The following DIP2C variants were observed in gnomAD, a reference collection of about 807,000 sequenced individuals.
The protein encoded by DIP2C is DIP2 acetate--CoA ligase C (putative).
Under a neutral mutation model 192.4 loss-of-function variants are expected in DIP2C, and 33 were observed. The observed-to-expected ratio is 0.17, with a 90% confidence interval of 0.13 to 0.23. The LOEUF is 0.23. DIP2C is among the 10% of genes least tolerant of loss of function. The probability of loss-of-function intolerance (pLI) is 1.00; values close to 1 mark genes in which losing one functional copy is unlikely to be tolerated. For missense variants in DIP2C, 1,537 were observed against 2,110.1 expected (o/e 0.73, Z 5.32); for synonymous variants, 979 against 864.1 (o/e 1.13, Z -2.33).
intron 2 of DIP2C, among the ~76,000 whole-genome samples, chr10:475,723 CAT>C (rs1345651829): frequency 7.9e-5 from 12 of 152,198 alleles, no homozygotes; most frequent in Non-Finnish European, 1.2e-4. Context: ...TATGAATGTA[CAT>C]GTTTCCTTCA....
intron 32 of DIP2C, among the ~76,000 whole-genome samples, chr10:305,037 G>T (rs553049337): frequency 6.6e-6 from 1 of 152,100 alleles, no homozygotes; most frequent in Non-Finnish European, 1.5e-5. Context: ...ATATATGCAC[G>T]TGTCTATACT....
chr10:520,575 C>T (rs994445248), intron 1 of DIP2C, among the ~76,000 whole-genome samples: 2 of 152,198 alleles, frequency 1.3e-5, no homozygotes, highest in Non-Finnish European at 2.9e-5. Flanking sequence ...TTCTCACTCA[C>T]TGAGCCACGT....
intron 1 of DIP2C, among the ~76,000 whole-genome samples, chr10:607,864 T>C (rs1300605987): frequency 1.3e-5 from 2 of 152,036 alleles, no homozygotes; most frequent in East Asian, 3.9e-4. Flanking sequence ...AAAGCCAAAG[T>C]AGGCCCACAA....
At chr10:349,299 T>C in intron 25 of DIP2C, 32 bp downstream of exon 25, 1 of 1,588,134 alleles carries the variant, frequency 6.3e-7, no homozygotes, top group Non-Finnish European at 8.6e-7. Flanking sequence ...CGGCTTGCCA[T>C]CTCTCAGGGG....
chr10:400,179 C>CA (rs1367092249), intron 9 of DIP2C, among the ~76,000 whole-genome samples: 8 of 150,416 alleles, frequency 5.3e-5, no homozygotes, highest in Non-Finnish European at 1.2e-4. Flanking sequence ...AGCACTACTG[C>CA]ATGCAGCTAA....
intron 31 of DIP2C, among the ~76,000 whole-genome samples, chr10:319,763 G>C (rs780461934): frequency 2.5e-4 from 38 of 152,142 alleles, no homozygotes; most frequent in Non-Finnish European, 3.5e-4. Flanking sequence ...AAGGTACTGG[G>C]AAATGTTACT....
At chr10:344,137 G>T (rs1225880215) in intron 28 of DIP2C, among the ~76,000 whole-genome samples, 1 of 152,198 alleles carries the variant, frequency 6.6e-6, no homozygotes, top group Admixed American at 6.5e-5. Flanking sequence ...TTCTCTTCTG[G>T]CTATGACAGT....
chr10:338,424 GTT>G (rs77305538), intron 29 of DIP2C, among the ~76,000 whole-genome samples: 70 of 144,044 alleles, frequency 4.9e-4, no homozygotes, highest in East Asian at 2.9e-3. Flanking sequence ...GCCCTACACA[GTT>G]TTTTTTTTTT....
chr10:633,327 T>A (rs1227121040), intron 1 of DIP2C, among the ~76,000 whole-genome samples: 1 of 152,168 alleles, frequency 6.6e-6, no homozygotes, highest in African/African-American at 2.4e-5. Flanking sequence ...AGAGAAAACG[T>A]CCAGGGCAAC....
intron 1 of DIP2C, among the ~76,000 whole-genome samples, chr10:514,276 C>G (rs985906012): frequency 6.6e-6 from 1 of 152,062 alleles, no homozygotes; most frequent in Non-Finnish European, 1.5e-5. Context: ...AGTTCTCGTT[C>G]AATACGTCAA....
chr10:311,077 G>A (rs1956545998), intron 31 of DIP2C, among the ~76,000 whole-genome samples: 2 of 151,840 alleles, frequency 1.3e-5, no homozygotes, highest in African/African-American at 2.4e-5. Flanking sequence ...AATAACCCTG[G>A]GCCCTGGTAT....
intron 31 of DIP2C, among the ~76,000 whole-genome samples, chr10:311,385 A>T (rs1382899785): frequency 6.6e-6 from 1 of 152,222 alleles, no homozygotes; most frequent in Non-Finnish European, 1.5e-5. Flanking sequence ...TGAACGTGAC[A>T]TTGCCCGGCC....
At chr10:291,882 T>G (rs1455844486) in intron 32 of DIP2C, among the ~76,000 whole-genome samples, 3 of 152,136 alleles carry the variant, frequency 2.0e-5, no homozygotes, top group African/African-American at 4.8e-5. Flanking sequence ...TGGAGGGAGA[T>G]GCAGAGGTCT....
At chr10:289,231 G>A (rs1377791921) in intron 32 of DIP2C, among the ~76,000 whole-genome samples, 3 of 151,588 alleles carry the variant, frequency 2.0e-5, no homozygotes, top group African/African-American at 7.3e-5. Flanking sequence ...CAGGGGGCCT[G>A]TGGGCTCCTG....
intron 13 of DIP2C, 44 bp from the exon 14 acceptor site, chr10:387,853 C>T (rs370984730): frequency 1.4e-5 from 22 of 1,593,184 alleles, no homozygotes; most frequent in South Asian, 5.5e-5. Flanking sequence ...TAGGACAGGG[C>T]GGCAACAGAT....
At chr10:424,293 T>TA (rs1013793817) in intron 4 of DIP2C, among the ~76,000 whole-genome samples, 5 of 151,266 alleles carry the variant, frequency 3.3e-5, no homozygotes, top group Non-Finnish European at 7.4e-5. Context: ...GGAATTTTTT[T>TA]AAAAGTTTAC....
intron 6 of DIP2C, among the ~76,000 whole-genome samples, chr10:418,361 CTG>C (rs1965944581): frequency 6.7e-6 from 1 of 150,372 alleles, no homozygotes; most frequent in South Asian, 2.1e-4. Flanking sequence ...CCCTGTCCGC[CTG>C]TGAGTCCCGT....
intron 1 of DIP2C, among the ~76,000 whole-genome samples, chr10:521,157 T>C (rs892987732): frequency 6.6e-6 from 1 of 152,238 alleles, no homozygotes; most frequent in Non-Finnish European, 1.5e-5. Context: ...TTTTAACTTT[T>C]ACAGGTAAAT....
intron 14 of DIP2C, among the ~76,000 whole-genome samples, chr10:386,208 A>C (rs1029439713): frequency 2.0e-5 from 3 of 152,210 alleles, no homozygotes; most frequent in Non-Finnish European, 4.4e-5. Flanking sequence ...TGATCATTGA[A>C]TCACATGCGT....
Sources: gnomAD v4.1 joint callset for allele counts (sites outside exome capture counted in the v4.1 genomes callset) on GRCh38, gnomAD v4.1.1 for gene constraint, MANE v1.5 for transcripts, NCBI Gene and HGNC (gene_info 2026-07-23, HGNC 2026-07-21) for gene names.